PTPRM: variants seen among roughly 807,000 people sequenced by gnomAD.
The protein encoded by PTPRM is protein tyrosine phosphatase receptor type M, also known as receptor-type tyrosine-protein phosphatase mu.
In PTPRM, 47 loss-of-function variants were observed where a neutral mutation model predicts 186.7. The observed-to-expected ratio is 0.25, with a 90% CI of 0.20 to 0.32. The LOEUF (loss-of-function observed/expected upper bound fraction) is 0.32, where lower values mean the gene tolerates loss of function less well. Among genes scored for constraint, PTPRM ranks in the 10% least tolerant of loss-of-function variants. The probability of loss-of-function intolerance (pLI) is 1.00; values close to 1 mark genes in which losing one functional copy is unlikely to be tolerated. For missense variants in PTPRM, 1,494 were observed against 1,865.0 expected (o/e 0.80, Z 3.66); for synonymous variants, 668 against 674.9 (o/e 0.99, Z 0.16).
intron 24 of PTPRM, among the ~76,000 whole-genome samples, chr18:8,371,468 A>G (rs527510319): frequency 4.6e-5 from 7 of 152,048 alleles, no homozygotes; most frequent in Admixed American, 2.0e-4. Flanking sequence ...GGCTTTCGAA[A>G]CCTCTGGTTT....
At chr18:8,080,731 T>C (rs1156234534) in intron 9 of PTPRM, among the ~76,000 whole-genome samples, 1 of 152,156 alleles carries the variant, frequency 6.6e-6, no homozygotes, top group Non-Finnish European at 1.5e-5. Flanking sequence ...TTTTCAATAC[T>C]CAAGGGCTTC....
chr18:8,370,387 C>T (rs1385558361), intron 23 of PTPRM, among the ~76,000 whole-genome samples: 1 of 152,158 alleles, frequency 6.6e-6, no homozygotes, highest in Non-Finnish European at 1.5e-5. Context: ...TTTATTTATA[C>T]TAAAATGAAT....
chr18:8,303,126 T>C (rs1218155960), intron 20 of PTPRM, among the ~76,000 whole-genome samples: 1 of 151,970 alleles, frequency 6.6e-6, no homozygotes, highest in Non-Finnish European at 1.5e-5. Flanking sequence ...CTAAAGGGGC[T>C]TTAATAATGG....
In PTPRM at chr18:8,240,443, A is replaced by AAG. The variant is rs535128651; in HGVS notation, c.2301-3594_2301-3593dup. On this transcript the variant is annotated intron_variant, in intron 14 of 32. Transcript: ENST00000580170. ...AGAGCAAGACTCTGTCTCAAAAATA[A>AAG]AGAGAGAGAGAGAGAGAGAGAGGGA... Among the ~76,000 whole-genome samples, 126 of 91,040 alleles carry AAG rather than the reference A, an allele frequency of 1.4e-3. 2 individuals carry two copies. Among genetic ancestry groups the AAG allele is most frequent in the South Asian group, 5.8e-3 (14 of 2,426 alleles). The allele number at this position is 91,040 out of a possible 152,430, so 59.7% of individuals were successfully genotyped here.
At chr18:7,827,517 G>A (rs2045547877) in intron 2 of PTPRM, among the ~76,000 whole-genome samples, 1 of 152,126 alleles carries the variant, frequency 6.6e-6, no homozygotes, top group Non-Finnish European at 1.5e-5. Flanking sequence ...AGGACTTAGG[G>A]CTTATCTGTC....
intron 14 of PTPRM, among the ~76,000 whole-genome samples, chr18:8,221,567 A>G (rs1329048946): frequency 6.6e-6 from 1 of 152,204 alleles, no homozygotes; most frequent in Non-Finnish European, 1.5e-5. Context: ...AACGAAAGTG[A>G]CACACAGAAG....
intron 1 of PTPRM, among the ~76,000 whole-genome samples, chr18:7,622,312 G>T (rs1333116516): frequency 6.6e-6 from 1 of 151,780 alleles, no homozygotes; most frequent in East Asian, 1.9e-4. Context: ...TATCGATCAA[G>T]CTTCTAGCTA....
rs187069567 is a variant in PTPRM, at chr18:7,641,560, G to A, written c.73+73669G>A. Among the ~76,000 whole-genome samples, 499 of 152,268 alleles carry A rather than the reference G, an allele frequency of 3.3e-3. 5 individuals are homozygous for A. Among genetic ancestry groups the A allele is most frequent in the Admixed American group, 7.0e-3 (107 of 15,294 alleles). On this transcript the variant is annotated intron_variant, in intron 1 of 32. Transcript: ENST00000580170. ...TCATACCCATATGTAAAACTAGAGCGGTGGCATGAATCCCAAGAAGTGGGC... is the reference window on the plus strand; with the variant it reads ...TCATACCCATATGTAAAACTAGAGCAGTGGCATGAATCCCAAGAAGTGGGC...
chr18:7,665,897 G>T (rs1196794086), intron 1 of PTPRM, among the ~76,000 whole-genome samples: 2 of 151,826 alleles, frequency 1.3e-5, no homozygotes, highest in African/African-American at 4.8e-5. Flanking sequence ...ACTCCAGCCT[G>T]GTGACAGAGC....
intron 14 of PTPRM, among the ~76,000 whole-genome samples, chr18:8,218,084 A>G (rs7238177): frequency 6.6e-6 from 1 of 152,092 alleles, no homozygotes; most frequent in Admixed American, 6.5e-5. Context: ...CAGAAATTAG[A>G]TTGTGGTATT....
intron 24 of PTPRM, 75 bp downstream of exon 24, chr18:8,371,081 G>A (rs2095660179): frequency 3.6e-6 from 3 of 836,556 alleles, no homozygotes; most frequent in Non-Finnish European, 5.6e-6. Flanking sequence ...AACTTACCTA[G>A]GATACTTTAC....
At chr18:7,901,273 TAGCC>T (rs201593772) in intron 3 of PTPRM, among the ~76,000 whole-genome samples, 1,959 of 152,338 alleles carry the variant, frequency 0.013, 20 homozygotes, top group South Asian at 0.033. Flanking sequence ...ATTTGCCAGA[TAGCC>T]AGAGTTCACA....
intron 7 of PTPRM, among the ~76,000 whole-genome samples, chr18:8,000,315 G>A (rs1445345825): frequency 6.6e-6 from 1 of 152,182 alleles, no homozygotes; most frequent in East Asian, 1.9e-4. Flanking sequence ...TTAGGCAAAA[G>A]TCCATAGTTA....
At chr18:7,940,498 G>A (rs76094542) in intron 5 of PTPRM, among the ~76,000 whole-genome samples, 3,490 of 152,302 alleles carry the variant, frequency 0.023, 49 homozygotes, top group African/African-American at 0.045. Flanking sequence ...AGGAGATGGA[G>A]TTGGCTCTGG....
chr18:7,973,418 TA>T (rs2054707121), intron 7 of PTPRM, among the ~76,000 whole-genome samples: 1 of 152,186 alleles, frequency 6.6e-6, no homozygotes, highest in South Asian at 2.1e-4. Context: ...TTTTAAAACT[TA>T]AAAAATCAAT....
In PTPRM at chr18:8,406,767, T is replaced by C. The variant is rs1014261961; in HGVS notation, c.*605T>C. 9 of 152,280 alleles carry C rather than the reference T, an allele frequency of 5.9e-5. No individual in the cohort carries two copies. Among genetic ancestry groups the C allele is most frequent in the Non-Finnish European group, 1.2e-4 (8 of 68,062 alleles). The allele number at this position is 152,280 out of a possible 1,614,324, so 9.4% of individuals were successfully genotyped here. ...CAAAATGCAAAACTCAACGATCAGA[T>C]TCACGGACCCAGAGCTTTTCCATGT... is the stretch of plus-strand genomic sequence containing the variant. On this transcript the variant is annotated 3_prime_UTR_variant, in exon 33 of 33. Transcript: ENST00000580170.
At chr18:8,105,939 C>T (rs2145606447) in intron 11 of PTPRM, among the ~76,000 whole-genome samples, 1 of 152,296 alleles carries the variant, frequency 6.6e-6, no homozygotes, top group African/African-American at 2.4e-5. Context: ...GAGAGTAGTT[C>T]CAAGTTTGCC....
intron 2 of PTPRM, among the ~76,000 whole-genome samples, chr18:7,848,965 A>G (rs2145915586): frequency 6.6e-6 from 1 of 152,286 alleles, no homozygotes; most frequent in Non-Finnish European, 1.5e-5. Context: ...TCATATAAAC[A>G]AAATACTAGA....
chr18:8,319,976 G>A (rs1290397982), intron 22 of PTPRM, among the ~76,000 whole-genome samples: 1 of 152,070 alleles, frequency 6.6e-6, no homozygotes, highest in Admixed American at 6.6e-5. Flanking sequence ...AGATGGTGGG[G>A]GTCATGAGGG....
Sources: gnomAD v4.1 joint callset for allele counts (sites outside exome capture counted in the v4.1 genomes callset) on GRCh38, gnomAD v4.1.1 for gene constraint, MANE v1.5 for transcripts, NCBI Gene and HGNC (gene_info 2026-07-23, HGNC 2026-07-21) for gene names.